The following KCNT2 variants were observed in gnomAD, a reference collection of about 807,000 sequenced individuals.
The protein encoded by KCNT2 is potassium channel subfamily T member 2.
KCNT2 carries 67 observed loss-of-function variants against 153.8 expected under a neutral mutation model. That is an observed-to-expected ratio of 0.44 (90% confidence interval 0.36 to 0.53). KCNT2 has a LOEUF of 0.53. Among genes scored for constraint, KCNT2 ranks in the 20% least tolerant of loss-of-function variants. The probability of loss-of-function intolerance (pLI) is 0.00; values close to 1 mark genes in which losing one functional copy is unlikely to be tolerated. For missense variants in KCNT2, 975 were observed against 1,354.8 expected (o/e 0.72, Z 4.40); for synonymous variants, 500 against 458.8 (o/e 1.09, Z -1.15).
intron 21 of KCNT2, among the ~76,000 whole-genome samples, chr1:196,315,460 T>C (rs557284725): frequency 9.5e-4 from 144 of 151,822 alleles, no homozygotes; most frequent in African/African-American, 3.3e-3. Flanking sequence ...GAAAATGATG[T>C]CATGACTTTG....
rs116064840 is a variant in KCNT2, at chr1:196,255,315, A to G, written c.3211+2879T>C. On this transcript the variant is annotated intron_variant, in intron 26 of 27. Transcript: ENST00000294725. Reference sequence around the variant, plus strand: ...TATTATCTTCATTTGATGGTGGACAATAAGTTCAGAGAGATGTGACTTGCC... The same window carrying G: ...TATTATCTTCATTTGATGGTGGACAGTAAGTTCAGAGAGATGTGACTTGCC... Among the ~76,000 whole-genome samples, 585 of 151,934 alleles carry G rather than the reference A, an allele frequency of 3.9e-3. 3 individuals are homozygous for G. Among genetic ancestry groups the G allele is most frequent in the African/African-American group, 0.013 (545 of 41,560 alleles).
rs991772006 is a variant in KCNT2, at chr1:196,257,765, A to G, written c.3211+429T>C. On this transcript the variant is annotated intron_variant, in intron 26 of 27. Coordinates refer to ENST00000294725, the MANE Select transcript of KCNT2 (RefSeq NM_198503.5). ...TTTGTTTCTAAACCACATACACTAA[A>G]CAAATTTTATAAGAACATTTTGGTT... 6.1e-6 allele frequency: 6 copies of G among 983,856 alleles called. No individual in the cohort carries two copies. In the African/African-American group the frequency reaches 1.0e-4, roughly 17 times the overall value. The allele number at this position is 983,856 out of a possible 1,614,324, so 60.9% of individuals were successfully genotyped here.
rs1350704154 is a variant in KCNT2 at position 196,596,054 on chromosome 1, GTGTATATATATATA to G, written c.95+12147_95+12160del. Among the ~76,000 whole-genome samples the G allele has an allele frequency of 1.6e-3, 219 of 138,544 alleles. 8 individuals are homozygous for G. Among genetic ancestry groups the G allele is most frequent in the African/African-American group, 6.9e-3 (210 of 30,410 alleles). 90.9% of individuals were successfully genotyped at this position (138,544 alleles called of 152,430 possible). ...TTATGGCTGAGTTGTATTCCATGAT[GTGTATATATATATA>G]TATATATATATATATATATATATAT... On this transcript the variant is annotated intron_variant, in intron 1 of 27. Transcript: ENST00000294725.
At chr1:196,238,291 A>C (rs773157985) in intron 26 of KCNT2, among the ~76,000 whole-genome samples, 17 of 151,784 alleles carry the variant, frequency 1.1e-4, no homozygotes, top group Non-Finnish European at 1.9e-4. Flanking sequence ...TAATTGAGAA[A>C]TTTCCGGTGG....
At chr1:196,251,358 A>T (rs1469565061) in intron 26 of KCNT2, among the ~76,000 whole-genome samples, 1 of 151,952 alleles carries the variant, frequency 6.6e-6, no homozygotes, top group Non-Finnish European at 1.5e-5. Context: ...TTTTTCCTCT[A>T]GCCCTTCCAA....
intron 14 of KCNT2, among the ~76,000 whole-genome samples, chr1:196,352,521 A>C (rs1477259926): frequency 6.6e-6 from 1 of 152,220 alleles, no homozygotes; most frequent in African/African-American, 2.4e-5. Flanking sequence ...CTCTGATGGT[A>C]GTTTGTATTT....
rs114327921 is a variant in KCNT2, at chr1:196,462,285, G to A, written c.638+3008C>T. ...AAGTACTCTGAATGAAGTAAAACTG[G>A]AGCCATGGGCATGTCGCAATGCTGT... On this transcript the variant is annotated intron_variant, in intron 8 of 27. Coordinates refer to ENST00000294725, the MANE Select transcript of KCNT2 (RefSeq NM_198503.5). Among the ~76,000 whole-genome samples the A allele has an allele frequency of 1.4e-3, 214 of 151,582 alleles. 2 individuals are homozygous for A. Among genetic ancestry groups the A allele is most frequent in the African/African-American group, 5.0e-3 (207 of 41,420 alleles).
chr1:196,436,735 A>G (rs1266031547), intron 8 of KCNT2, among the ~76,000 whole-genome samples: 1 of 150,972 alleles, frequency 6.6e-6, no homozygotes, highest in African/African-American at 2.4e-5. Flanking sequence ...ATAGGCAGAG[A>G]TTTTCTGATA....
At chr1:196,388,595 T>C (rs1052673492) in intron 13 of KCNT2, among the ~76,000 whole-genome samples, 1 of 151,682 alleles carries the variant, frequency 6.6e-6, no homozygotes, top group Non-Finnish European at 1.5e-5. Context: ...AGTTTCTTTA[T>C]ATGAGACTTG....
At chr1:196,451,217 CTTTTTTTTTT>C (rs561944079) in intron 8 of KCNT2, among the ~76,000 whole-genome samples, 24 of 63,558 alleles carry the variant, frequency 3.8e-4, no homozygotes, top group South Asian at 1.0e-3. Context: ...ATCCCTCTTT[CTTTTTTTTTT>C]TTTTTTTTTT....
At chr1:196,497,057 G>C (rs968459658) in intron 1 of KCNT2, among the ~76,000 whole-genome samples, 4 of 152,028 alleles carry the variant, frequency 2.6e-5, no homozygotes, top group Non-Finnish European at 5.9e-5. Flanking sequence ...TAGCACTTTT[G>C]GGGGGAAAAA....
chr1:196,356,178 A>C (rs1456199843), intron 14 of KCNT2, among the ~76,000 whole-genome samples: 1 of 151,774 alleles, frequency 6.6e-6, no homozygotes, highest in African/African-American at 2.4e-5. Flanking sequence ...TTCTCAAGTA[A>C]TTAATTCTTA....
At chr1:196,471,469 C>T (rs760376043) in intron 5 of KCNT2, among the ~76,000 whole-genome samples, 5 of 152,048 alleles carry the variant, frequency 3.3e-5, no homozygotes, top group Non-Finnish European at 5.9e-5. Flanking sequence ...AGTTTTTACA[C>T]GGCATCATTT....
intron 1 of KCNT2, among the ~76,000 whole-genome samples, chr1:196,603,957 A>G (rs1334830427): frequency 6.6e-6 from 1 of 152,228 alleles, no homozygotes. Context: ...AATACTCTAA[A>G]TCTTTACTGC....
At chr1:196,520,924 C>T (rs992552310) in intron 1 of KCNT2, among the ~76,000 whole-genome samples, 2 of 152,110 alleles carry the variant, frequency 1.3e-5, no homozygotes, top group African/African-American at 4.8e-5. Context: ...AAAGCAATCA[C>T]AACAAAAGCA....
At chr1:196,443,360 A>G (rs138237667) in intron 8 of KCNT2, among the ~76,000 whole-genome samples, 95 of 151,596 alleles carry the variant, frequency 6.3e-4, no homozygotes, top group Non-Finnish European at 4.3e-4. Flanking sequence ...CCACAAATGT[A>G]AAGAGGAAAA....
chr1:196,361,666 G>A (rs1205084968), intron 14 of KCNT2, among the ~76,000 whole-genome samples: 1 of 152,054 alleles, frequency 6.6e-6, no homozygotes, highest in East Asian at 1.9e-4. Context: ...AAGTCACCAG[G>A]TAGCTGGTGG....
chr1:196,283,150 T>A (rs1659279270), intron 23 of KCNT2, among the ~76,000 whole-genome samples: 1 of 152,118 alleles, frequency 6.6e-6, no homozygotes, highest in Admixed American at 6.6e-5. Flanking sequence ...GGCCTAAAAT[T>A]GAACCTTTAA....
At chr1:196,282,412 GA>G (rs1659198471) in intron 23 of KCNT2, 56 bp from the exon 24 acceptor site, 2 of 850,572 alleles carry the variant, frequency 2.4e-6, no homozygotes, top group Non-Finnish European at 1.9e-6. Context: ...TAATGTGTAT[GA>G]GATGTGTAGA....
Sources: allele counts gnomAD v4.1 joint callset (sites outside exome capture counted in the v4.1 genomes callset), GRCh38; gene constraint gnomAD v4.1.1; transcripts MANE v1.5; gene names NCBI Gene and HGNC (gene_info 2026-07-23, HGNC 2026-07-21).